The following CPEB1 variants were observed in gnomAD, a reference collection of about 807,000 sequenced individuals.
The protein encoded by CPEB1 is cytoplasmic polyadenylation element binding protein 1.
CPEB1 carries 7 observed loss-of-function variants against 65.8 expected under a neutral mutation model. The observed-to-expected ratio is 0.11, with a 90% CI of 0.06 to 0.20. The LOEUF (loss-of-function observed/expected upper bound fraction) is 0.20, where lower values mean the gene tolerates loss of function less well. CPEB1 is among the 10% of genes least tolerant of loss of function. The pLI is 1.00. For missense variants in CPEB1, 551 were observed against 712.2 expected (o/e 0.77, Z 2.58); for synonymous variants, 262 against 260.0 (o/e 1.01, Z -0.08).
intron 3 of CPEB1, among the ~76,000 whole-genome samples, chr15:82,625,673 A>C (rs1269070600): frequency 6.6e-6 from 1 of 152,164 alleles, no homozygotes; most frequent in Non-Finnish European, 1.5e-5. Context: ...TTTGGTTGAA[A>C]AACATCTGCA....
chr15:82,544,705 G>A lies in CPEB1; in HGVS notation c.1657-3C>T, dbSNP rs953265165. The A allele has an allele frequency of 9.4e-5, 151 of 1,610,978 alleles. No homozygotes were observed. The highest frequency in any genetic ancestry group is 1.2e-4 in the Non-Finnish European group (142 of 1,178,148). ...CGGCAGAAGTATTTGAAGCAGACCT[G>A]GGTTGGGGGAACAAAAAGGAGGATG... On this transcript the variant is annotated splice_region_variant and splice_polypyrimidine_tract_variant and intron_variant, in intron 12 of 12. Coordinates refer to ENST00000684509, the MANE Select transcript of CPEB1 (RefSeq NM_001365242.1).
chr15:82,565,626 C>T (rs1596030258), intron 4 of CPEB1, among the ~76,000 whole-genome samples: 1 of 152,330 alleles, frequency 6.6e-6, no homozygotes, highest in African/African-American at 2.4e-5. Context: ...GGGCACACAA[C>T]TTCATAATTC....
intron 5 of CPEB1, chr15:82,556,365 T>C: frequency 2.3e-6 from 1 of 426,448 alleles, no homozygotes; most frequent in Non-Finnish European, 4.1e-6. Context: ...AATGCATTTA[T>C]CATATTCTAT....
At chr15:82,619,137 C>T (rs957593947) in intron 3 of CPEB1, among the ~76,000 whole-genome samples, 1 of 152,144 alleles carries the variant, frequency 6.6e-6, no homozygotes, top group Admixed American at 6.5e-5. Context: ...TATCCAGAAA[C>T]GGATCTGTAC....
chr15:82,597,105 G>T (rs569159071), intron 3 of CPEB1, among the ~76,000 whole-genome samples: 1 of 152,094 alleles, frequency 6.6e-6, no homozygotes, highest in Non-Finnish European at 1.5e-5. Flanking sequence ...AGGTGGGATC[G>T]CTTGAGCCCA....
chr15:82,603,843 C>T (rs950272952), intron 3 of CPEB1, among the ~76,000 whole-genome samples: 1 of 152,152 alleles, frequency 6.6e-6, no homozygotes, highest in Non-Finnish European at 1.5e-5. Context: ...CAAACAAGAA[C>T]CCTTCAGCCT....
In CPEB1 at chr15:82,627,635, G is replaced by A. The variant is rs865887937; in HGVS notation, c.97-268C>T. ...CCAGGATTTAAGGCAAAAAGGGGTA[G>A]GCTAACTCTACTAGTTTTCTACAAA... On this transcript the variant is annotated intron_variant, in intron 2 of 12. Transcript: ENST00000684509. 7.9e-5 allele frequency among the ~76,000 whole-genome samples: 12 copies of A among 152,170 alleles called. 1 individual carries two copies. Among genetic ancestry groups the A allele is most frequent in the Admixed American group, 7.9e-4 (12 of 15,274 alleles).
intron 5 of CPEB1, 78 bp downstream of exon 5, chr15:82,557,682 G>A: frequency 8.2e-7 from 1 of 1,225,584 alleles, no homozygotes; most frequent in South Asian, 1.3e-5. Context: ...GCATCCCATA[G>A]ATATTGTACC....
intron 3 of CPEB1, among the ~76,000 whole-genome samples, chr15:82,580,290 C>G (rs1269519617): frequency 1.3e-5 from 2 of 149,038 alleles, no homozygotes; most frequent in Non-Finnish European, 3.0e-5. Flanking sequence ...CACTGCACTC[C>G]AGCCTGGAGA....
chr15:82,627,375 C>T lies in CPEB1; in HGVS notation c.97-8G>A. On this transcript the variant is annotated splice_region_variant and splice_polypyrimidine_tract_variant and intron_variant, in intron 2 of 12. Transcript: ENST00000684509. Reference sequence around the variant, plus strand: ...CCTTCCTGCTTCTTCTTCCTAGACACAGAAAAAAAAAGATATTTAGGTTTT... The same window carrying T: ...CCTTCCTGCTTCTTCTTCCTAGACATAGAAAAAAAAAGATATTTAGGTTTT... The T allele has an allele frequency of 1.3e-6, 2 of 1,589,272 alleles. No individual in the cohort carries two copies. The highest frequency in any genetic ancestry group is 1.7e-6 in the Non-Finnish European group (2 of 1,171,488).
rs534274934 is a variant in CPEB1, at chr15:82,556,232, T to C, written c.688-110A>G. On this transcript the variant is annotated intron_variant, in intron 5 of 12. Coordinates refer to ENST00000684509, the MANE Select transcript of CPEB1 (RefSeq NM_001365242.1). ...TCCAATAGACATTTAGCATTTGATA[T>C]ATATTCTTTTAGACTTTCTTCCTGA... 2.7e-5 allele frequency: 33 copies of C among 1,240,770 alleles called. No homozygotes were observed. The African/African-American group carries it at 5.1e-4, about 19-fold the overall frequency. The allele number at this position is 1,240,770 out of a possible 1,614,324, so 76.9% of individuals were successfully genotyped here.
chr15:82,548,239 G>A (rs974026452), intron 10 of CPEB1, among the ~76,000 whole-genome samples: 2 of 152,042 alleles, frequency 1.3e-5, no homozygotes, highest in Admixed American at 1.3e-4. Flanking sequence ...GGAGGCTGAG[G>A]CAGGAGAATC....
chr15:82,595,073 G>GA (rs1359714111), intron 3 of CPEB1, among the ~76,000 whole-genome samples: 1 of 152,104 alleles, frequency 6.6e-6, no homozygotes, highest in African/African-American at 2.4e-5. Context: ...CATACTTTTT[G>GA]AAAAATGGCA....
At chr15:82,552,262 G>A (rs917118981) in intron 9 of CPEB1, among the ~76,000 whole-genome samples, 1 of 151,104 alleles carries the variant, frequency 6.6e-6, no homozygotes, top group South Asian at 2.1e-4. Context: ...GCATGCGCAT[G>A]TGTGCATGCA....
Position 82,627,233 on chromosome 15 carries a change from G to A in CPEB1, c.231C>T (p.Cys77=), listed in dbSNP as rs1194698771. 2 of 1,613,430 alleles carry A rather than the reference G, an allele frequency of 1.2e-6. No individual in the cohort carries two copies. The highest frequency in any genetic ancestry group is 2.2e-5 in the East Asian group (1 of 44,868). The stretch of plus-strand genomic sequence containing the variant: ...GAATTCCTCGGTTTATAGGTGTAGT[G>A]CAGACTCTACTGAAATCCAGAGAAT... ...LDNSLDFSRV[C]TTPINRGIHD... is the part of the protein sequence containing the mutation. The change falls in exon 3 of 13, where the codon TGC becomes TGT. Residue 77 remains cysteine, a synonymous_variant. Transcript: ENST00000684509.
chr15:82,625,411 G>A (rs975895186), intron 3 of CPEB1, among the ~76,000 whole-genome samples: 2 of 151,682 alleles, frequency 1.3e-5, no homozygotes, highest in African/African-American at 4.9e-5. Context: ...GCTATTTACT[G>A]CTCACATACT....
At chr15:82,612,905 C>T (rs1268911068) in intron 3 of CPEB1, among the ~76,000 whole-genome samples, 1 of 151,998 alleles carries the variant, frequency 6.6e-6, no homozygotes, top group African/African-American at 2.4e-5. Flanking sequence ...ATTTTAAAAA[C>T]TGTTCCTCAA....
intron 9 of CPEB1, among the ~76,000 whole-genome samples, 179 bp downstream of exon 9, chr15:82,552,299 CTT>C (rs112872369): frequency 1.0e-3 from 145 of 139,286 alleles, no homozygotes; most frequent in African/African-American, 3.2e-3. Flanking sequence ...CCAAAGGTTG[CTT>C]TTTTTTTTTT....
intron 1 of CPEB1, among the ~76,000 whole-genome samples, chr15:82,637,544 T>A (rs997857002): frequency 6.6e-6 from 1 of 152,132 alleles, no homozygotes; most frequent in Non-Finnish European, 1.5e-5. Context: ...GAGTACCCCA[T>A]CTCTACGGCC....
Sources: allele counts gnomAD v4.1 joint callset (sites outside exome capture counted in the v4.1 genomes callset), GRCh38; gene constraint gnomAD v4.1.1; transcripts MANE v1.5; gene names NCBI Gene and HGNC (gene_info 2026-07-23, HGNC 2026-07-21).